The following BABAM2 variants were observed in gnomAD, a reference collection of about 807,000 sequenced individuals.
BABAM2 encodes BRISC and BRCA1 A complex member 2.
A neutral mutation model predicts 54.7 loss-of-function variants in BABAM2; 31 were observed. That is an observed-to-expected ratio of 0.57 (90% confidence interval 0.43 to 0.77). BABAM2 has a LOEUF of 0.77. BABAM2 is among the 30% of genes least tolerant of loss of function. The probability of loss-of-function intolerance (pLI) is 0.00; values close to 1 mark genes in which losing one functional copy is unlikely to be tolerated. For synonymous variants in BABAM2, 167 were observed against 162.9 expected (o/e 1.03, Z -0.19); for missense variants, 364 against 455.8 (o/e 0.80, Z 1.83).
intron 7 of BABAM2, among the ~76,000 whole-genome samples, chr2:28,201,691 C>G (rs1465631292): frequency 6.6e-6 from 1 of 152,162 alleles, no homozygotes; most frequent in African/African-American, 2.4e-5. Context: ...ACATTTGGCT[C>G]TATCAGGAGT....
chr2:28,312,937 C>G (rs1169261790), intron 11 of BABAM2, among the ~76,000 whole-genome samples: 1 of 152,134 alleles, frequency 6.6e-6, no homozygotes, highest in African/African-American at 2.4e-5. Context: ...AGATTAGAAC[C>G]CTATGCCCCT....
chr2:28,301,103 C>G (rs1688065631), intron 11 of BABAM2, among the ~76,000 whole-genome samples: 1 of 152,178 alleles, frequency 6.6e-6, no homozygotes, highest in Admixed American at 6.5e-5. Context: ...CTTCCACACC[C>G]TGTTTCTTTG....
At chr2:28,191,104 A>T (rs143442008) in intron 7 of BABAM2, among the ~76,000 whole-genome samples, 85 of 152,346 alleles carry the variant, frequency 5.6e-4, no homozygotes, top group East Asian at 4.2e-3. Flanking sequence ...GAACTGTTAC[A>T]ACTTAGGAAT....
At chr2:28,295,309 C>T (rs1326048638) in intron 10 of BABAM2, among the ~76,000 whole-genome samples, 1 of 152,130 alleles carries the variant, frequency 6.6e-6, no homozygotes, top group Admixed American at 6.6e-5. Context: ...TGAGTGATGA[C>T]TGTATTTGCT....
chr2:28,126,802 C>T, intron 6 of BABAM2, among the ~76,000 whole-genome samples: 1 of 150,436 alleles, frequency 6.6e-6, no homozygotes, highest in East Asian at 1.9e-4. Flanking sequence ...CTCTCCAGCG[C>T]CTGTTGTTTC....
chr2:27,935,471 CT>C (rs1306577744), intron 3 of BABAM2, among the ~76,000 whole-genome samples: 2 of 152,198 alleles, frequency 1.3e-5, no homozygotes, highest in Non-Finnish European at 2.9e-5. Flanking sequence ...AAGAAGGTTG[CT>C]TCTTGCAGAT....
chr2:27,974,209 T>C (rs1395717469), intron 3 of BABAM2, among the ~76,000 whole-genome samples: 1 of 152,228 alleles, frequency 6.6e-6, no homozygotes, highest in Non-Finnish European at 1.5e-5. Context: ...CTGACATTTT[T>C]CTGATATCAA....
intron 5 of BABAM2, 177 bp downstream of exon 5, chr2:28,025,597 T>C: frequency 1.7e-6 from 1 of 578,904 alleles, no homozygotes. Context: ...TCATTGTGTT[T>C]CTCAAAGATA....
At chr2:27,940,886 G>A (rs1468459178) in intron 3 of BABAM2, among the ~76,000 whole-genome samples, 1 of 152,138 alleles carries the variant, frequency 6.6e-6, no homozygotes, top group Non-Finnish European at 1.5e-5. Context: ...TCTTTCTCCT[G>A]CAACATATTC....
At chr2:27,975,288 C>T (rs949579387) in intron 3 of BABAM2, among the ~76,000 whole-genome samples, 1 of 151,836 alleles carries the variant, frequency 6.6e-6, no homozygotes, top group Non-Finnish European at 1.5e-5. Flanking sequence ...ATTAAAATAG[C>T]CAAAACAATT....
At chr2:28,007,754 G>C (rs1314342091) in intron 4 of BABAM2, among the ~76,000 whole-genome samples, 1 of 152,058 alleles carries the variant, frequency 6.6e-6, no homozygotes, top group Non-Finnish European at 1.5e-5. Flanking sequence ...CCTTTGGAAA[G>C]AAATTATGTC....
chr2:28,120,349 A>C (rs1157343318), intron 6 of BABAM2, among the ~76,000 whole-genome samples: 1 of 152,182 alleles, frequency 6.6e-6, no homozygotes, highest in East Asian at 1.9e-4. Context: ...ATATACAGTA[A>C]ATCTTTCCTG....
chr2:28,336,386 A>T (rs926706718), intron 11 of BABAM2, among the ~76,000 whole-genome samples: 12 of 152,046 alleles, frequency 7.9e-5, no homozygotes, highest in Non-Finnish European at 1.3e-4. Flanking sequence ...CATTTGGAAC[A>T]CTAGTTTGAG....
Position 28,112,147 on chromosome 2 carries a change from T to TTCCCTCCC in BABAM2, c.571-17123_571-17122insCCCTCCCT, listed in dbSNP as rs1558346715. 2.9e-3 allele frequency among the ~76,000 whole-genome samples: 15 copies of TTCCCTCCC among 5,248 alleles called. 1 individual carries two copies. Among genetic ancestry groups the TTCCCTCCC allele is most frequent in the Non-Finnish European group, 4.1e-3 (13 of 3,156 alleles). The allele number at this position is 5,248 out of a possible 152,430, so 3.4% of individuals were successfully genotyped here. ...TTTCTTTCTTTCTTTCTTTCTTTCTTTACCTCCCTCCCTCCCTCCCTCCCT... is the reference window on the plus strand; with the variant it reads ...TTTCTTTCTTTCTTTCTTTCTTTCTTTCCCTCCCTACCTCCCTCCCTCCCTCCCTCCCT... On this transcript the variant is annotated intron_variant, in intron 6 of 11. Transcript: ENST00000379624.
At chr2:27,964,666 T>G (rs180734745) in intron 3 of BABAM2, among the ~76,000 whole-genome samples, 251 of 152,288 alleles carry the variant, frequency 1.6e-3, no homozygotes, top group African/African-American at 5.8e-3. Flanking sequence ...CATGACACAT[T>G]ACACACTGCT....
At chr2:28,117,836 A>G (rs944760872) in intron 6 of BABAM2, among the ~76,000 whole-genome samples, 1 of 152,160 alleles carries the variant, frequency 6.6e-6, no homozygotes, top group Non-Finnish European at 1.5e-5. Context: ...AGGAGAGGGT[A>G]TCAGGCAAGC....
chr2:28,166,979 A>C (rs17006590), intron 7 of BABAM2, among the ~76,000 whole-genome samples: 33,429 of 152,114 alleles, frequency 0.22, 3,858 homozygotes, highest in South Asian at 0.41. Context: ...AAATAGATTG[A>C]GACTGGATAT....
At chr2:27,950,892 G>C (rs1036857565) in intron 3 of BABAM2, among the ~76,000 whole-genome samples, 5 of 152,046 alleles carry the variant, frequency 3.3e-5, no homozygotes, top group African/African-American at 1.2e-4. Flanking sequence ...GTCTTTAAAG[G>C]AATTTGTCCA....
chr2:28,316,188 T>C (rs1025112881), intron 11 of BABAM2, among the ~76,000 whole-genome samples: 4 of 152,122 alleles, frequency 2.6e-5, no homozygotes, highest in African/African-American at 9.7e-5. Context: ...AGGCATCCTG[T>C]ATTGAGGAGC....
Sources: allele counts gnomAD v4.1 joint callset (sites outside exome capture counted in the v4.1 genomes callset), GRCh38; gene constraint gnomAD v4.1.1; transcripts MANE v1.5; gene names NCBI Gene and HGNC (gene_info 2026-07-23, HGNC 2026-07-21).